CDH23: variants seen among roughly 807,000 people sequenced by gnomAD.
CDH23 encodes the protein cadherin-23.
In CDH23, 189 loss-of-function variants were observed where a neutral mutation model predicts 317.1. The ratio of observed to expected loss-of-function variants is 0.60; its 90% CI spans 0.53 to 0.67. The LOEUF (loss-of-function observed/expected upper bound fraction) is 0.67, where lower values mean the gene tolerates loss of function less well. Ranked by LOEUF, CDH23 falls within the 30% of genes least tolerant of loss-of-function variation. The pLI, the probability that CDH23 is intolerant of heterozygous loss-of-function variation, is 0.00. For synonymous variants in CDH23, 1,839 were observed against 1,876.8 expected, an observed-to-expected ratio of 0.98 and a Z score of 0.52; for missense variants, 4,401 against 4,592.4, an observed-to-expected ratio of 0.96 and a Z score of 1.20.
At position 71,579,589 on chromosome 10, in the gene CDH23, G is replaced by A. The variant is rs939659833; in HGVS notation, c.832+1597G>A. Among the ~76,000 whole-genome samples the A allele has an allele frequency of 1.1e-3, 172 of 152,248 alleles. 1 individual carries two copies. Among genetic ancestry groups the A allele is most frequent in the African/African-American group, 3.7e-3 (152 of 41,530 alleles). On this transcript the variant is annotated intron_variant, in intron 9 of 69. Coordinates refer to ENST00000224721, the MANE Select transcript of CDH23 (RefSeq NM_022124.6). ...ATTCTCCTTCTGGAGGTCTGGGATG[G>A]GCCCAAGAATGGTCCTTTCTCACAG...
intron 38 of CDH23, chr10:71,760,983 CT>C: frequency 6.5e-7 from 1 of 1,550,206 alleles, no homozygotes; most frequent in Non-Finnish European, 8.9e-7. Context: ...GCCAGGGAGG[CT>C]TGTCCAGGCC....
At chr10:71,424,209 C>T (rs1209612957) in intron 1 of CDH23, among the ~76,000 whole-genome samples, 1 of 152,212 alleles carries the variant, frequency 6.6e-6, no homozygotes, top group Non-Finnish European at 1.5e-5. Context: ...CTGGATCTCG[C>T]TCCCCGCCTG....
intron 61 of CDH23, among the ~76,000 whole-genome samples, 163 bp downstream of exon 61, chr10:71,810,239 G>A (rs1381686802): frequency 6.6e-6 from 1 of 152,196 alleles, no homozygotes; most frequent in East Asian, 1.9e-4. Flanking sequence ...AGTTCTCCCA[G>A]GTCTCTGGGC....
At chr10:71,740,493 T>G (rs1418751086) in intron 36 of CDH23, among the ~76,000 whole-genome samples, 1 of 152,190 alleles carries the variant, frequency 6.6e-6, no homozygotes, top group Non-Finnish European at 1.5e-5. Flanking sequence ...AGGGTCATGG[T>G]CAAAGGCTGG....
chr10:71,758,355 C>T (rs1840204235), intron 38 of CDH23, among the ~76,000 whole-genome samples: 1 of 152,170 alleles, frequency 6.6e-6, no homozygotes, highest in Non-Finnish European at 1.5e-5. Flanking sequence ...GGGCTGGTCC[C>T]CACTGGATGT....
chr10:71,613,464 T>C (rs764369662), intron 9 of CDH23, among the ~76,000 whole-genome samples: 2 of 152,110 alleles, frequency 1.3e-5, no homozygotes, highest in Non-Finnish European at 2.9e-5. Context: ...TAGACTGAGT[T>C]CTAAACAGGC....
At chr10:71,615,668 G>A (rs557094054) in intron 10 of CDH23, 52 bp downstream of exon 10, 18 of 1,320,714 alleles carry the variant, frequency 1.4e-5, no homozygotes, top group South Asian at 4.8e-5. Flanking sequence ...GCCCCTACTC[G>A]GATGCCAACC....
intron 3 of CDH23, among the ~76,000 whole-genome samples, chr10:71,497,586 T>C (rs1853046592): frequency 6.6e-6 from 1 of 152,216 alleles, no homozygotes; most frequent in Non-Finnish European, 1.5e-5. Flanking sequence ...AACCAGATTG[T>C]AAACCCTTGG....
chr10:71,635,688 G>T (rs903124666), intron 11 of CDH23, among the ~76,000 whole-genome samples: 1 of 151,534 alleles, frequency 6.6e-6, no homozygotes, highest in Non-Finnish European at 1.5e-5. Flanking sequence ...AAGGTGAGAG[G>T]GCAAGAAGGG....
intron 14 of CDH23, among the ~76,000 whole-genome samples, chr10:71,661,742 G>GCCCTCCCACCCTGCGCT (rs1863664486): frequency 1.5e-5 from 1 of 66,674 alleles, no homozygotes; most frequent in African/African-American, 6.8e-5. Flanking sequence ...CACCCTGCGC[G>GCCCTCCCACCCTGCGCT]CCCTCCCACC....
intron 43 of CDH23, 144 bp downstream of exon 43, chr10:71,785,244 C>A: frequency 1.5e-6 from 1 of 668,436 alleles, no homozygotes; most frequent in Non-Finnish European, 2.5e-6. Flanking sequence ...CTGTGGGAAG[C>A]ATGGAATCTT....
chr10:71,531,935 T>C (rs1429201487), intron 6 of CDH23, among the ~76,000 whole-genome samples: 1 of 151,936 alleles, frequency 6.6e-6, no homozygotes, highest in Non-Finnish European at 1.5e-5. Context: ...TTCTAAGGAG[T>C]TGAAGAGTTT....
chr10:71,423,163 G>A (rs893868955), intron 1 of CDH23, among the ~76,000 whole-genome samples: 2 of 152,206 alleles, frequency 1.3e-5, no homozygotes, highest in African/African-American at 4.8e-5. Context: ...AAGGTCCAGT[G>A]AAAGAGACAG....
chr10:71,475,979 G>T (rs548004674), intron 3 of CDH23, among the ~76,000 whole-genome samples: 6 of 152,232 alleles, frequency 3.9e-5, no homozygotes, highest in South Asian at 4.1e-4. Context: ...AAAGCAAGGG[G>T]GTGGCTGAGA....
chr10:71,481,971 G>A (rs1015234610), intron 3 of CDH23, among the ~76,000 whole-genome samples: 12 of 152,198 alleles, frequency 7.9e-5, no homozygotes, highest in African/African-American at 2.4e-4. Context: ...GCTGCAAAGG[G>A]TGGGGGGAGT....
chr10:71,549,888 T>C (rs528139713), intron 6 of CDH23, among the ~76,000 whole-genome samples: 1 of 152,282 alleles, frequency 6.6e-6, no homozygotes, highest in East Asian at 1.9e-4. Flanking sequence ...GGGAGGTTCC[T>C]TTCTTGACCT....
At chr10:71,601,616 G>A (rs530530394) in intron 9 of CDH23, among the ~76,000 whole-genome samples, 1 of 152,248 alleles carries the variant, frequency 6.6e-6, no homozygotes, top group South Asian at 2.1e-4. Context: ...CAGATTCCCT[G>A]AACCCCATCC....
At chr10:71,644,136 G>C (rs1037125303) in intron 12 of CDH23, among the ~76,000 whole-genome samples, 5 of 152,250 alleles carry the variant, frequency 3.3e-5, no homozygotes, top group Non-Finnish European at 5.9e-5. Flanking sequence ...ACACCAGGGA[G>C]CGCTGCAACC....
At position 71,815,925 on chromosome 10, in the gene CDH23, T is replaced by C. The variant is rs558133134; in HGVS notation, c.*647T>C. On this transcript the variant is annotated 3_prime_UTR_variant, in exon 70 of 70. Coordinates refer to ENST00000224721, the MANE Select transcript of CDH23 (RefSeq NM_022124.6). ...GTGGAGTGTTTGTGTGTGTTCCTTT[T>C]TTAAATTAAGTTATTCCCTCAATAG... 6.3e-6 allele frequency: 1 copy of C among 159,614 alleles called. No homozygotes were observed. The highest frequency in any genetic ancestry group is 1.8e-4 in the East Asian group (1 of 5,650). 9.9% of individuals were successfully genotyped at this position (159,614 alleles called of 1,614,324 possible). A position where few individuals can be genotyped will look rare whatever the true frequency, so the allele number is the denominator to read the frequency against.
Sources: gnomAD v4.1 joint callset for allele counts (sites outside exome capture counted in the v4.1 genomes callset) on GRCh38, gnomAD v4.1.1 for gene constraint, MANE v1.5 for transcripts, NCBI Gene and HGNC (gene_info 2026-07-23, HGNC 2026-07-21) for gene names.